Variants in SLC12A6 observed in about 807,000 individuals in gnomAD.
SLC12A6 encodes the protein K-Cl cotransporter 3.
SLC12A6 carries 66 observed loss-of-function variants against 135.3 expected under a neutral mutation model. That is an observed-to-expected ratio of 0.49 (90% CI 0.40 to 0.60). The LOEUF is 0.60. Ranked by LOEUF, SLC12A6 falls within the 20% of genes least tolerant of loss-of-function variation. SLC12A6 has a pLI of 0.00. For synonymous variants in SLC12A6, 513 were observed against 508.8 expected, an observed-to-expected ratio of 1.01 and a Z score of -0.11; for missense variants, 1,058 against 1,452.3, an observed-to-expected ratio of 0.73 and a Z score of 4.41.
At chr15:34,336,786 A>G in intron 1 of SLC12A6, 34 bp from the exon 2 acceptor site, 1 of 893,434 alleles carries the variant, frequency 1.1e-6, no homozygotes, top group Non-Finnish European at 1.8e-6. Flanking sequence ...AAAATAACAC[A>G]TTTCAATAAC....
At chr15:34,332,821 T>C (rs1339337605) in intron 2 of SLC12A6, among the ~76,000 whole-genome samples, 1 of 151,380 alleles carries the variant, frequency 6.6e-6, no homozygotes, top group Non-Finnish European at 1.5e-5. Context: ...TATTAGGTCC[T>C]GCAAATGACA....
At chr15:34,247,642 G>C (rs934819980) in intron 13 of SLC12A6, among the ~76,000 whole-genome samples, 24 of 151,822 alleles carry the variant, frequency 1.6e-4, no homozygotes, top group African/African-American at 5.3e-4. Context: ...AACACTGCCA[G>C]TACCCAAAAT....
At chr15:34,257,345 A>G (rs1892823441) in intron 6 of SLC12A6, among the ~76,000 whole-genome samples, 1 of 152,188 alleles carries the variant, frequency 6.6e-6, no homozygotes, top group Non-Finnish European at 1.5e-5. Flanking sequence ...CTTTGGTGCT[A>G]TCAAGCTCAA....
intron 5 of SLC12A6, 138 bp downstream of exon 5, chr15:34,258,675 C>T (rs1471849724): frequency 2.2e-5 from 17 of 788,434 alleles, no homozygotes; most frequent in Non-Finnish European, 3.8e-5. Context: ...TGCTATGACG[C>T]TGGTGCCCAG....
At chr15:34,290,138 C>T (rs541928188) in intron 2 of SLC12A6, among the ~76,000 whole-genome samples, 1 of 152,326 alleles carries the variant, frequency 6.6e-6, no homozygotes, top group South Asian at 2.1e-4. Context: ...TCCCTTTACA[C>T]ACTTCTTTAA....
chr15:34,261,486 T>C (rs1420151235), intron 3 of SLC12A6, among the ~76,000 whole-genome samples: 3 of 152,108 alleles, frequency 2.0e-5, no homozygotes, highest in Non-Finnish European at 2.9e-5. Flanking sequence ...TTAATAGAGA[T>C]AGGGGTTCAC....
Position 34,336,534 on chromosome 15 carries a change from T to C in SLC12A6, c.147A>G (p.Glu49=), listed in dbSNP as rs1230460170. 7 of 1,613,982 alleles carry C rather than the reference T, an allele frequency of 4.3e-6. No homozygotes were observed. Among genetic ancestry groups the C allele is most frequent in the Non-Finnish European group, 5.9e-6 (7 of 1,180,020 alleles). The change falls in exon 2 of 26, where the codon GAA becomes GAG. Residue 49 remains glutamate (E), a synonymous_variant. Coordinates refer to ENST00000354181, the MANE Select transcript of SLC12A6 (RefSeq NM_001365088.1). ...CACTCCGGCTTGTTTCAGGCACGCT[T>C]TCCCGGGAGCTAAATCTTACTCGGG... ...SSSRVRFSSR[E]SVPETSRSEP...
intron 3 of SLC12A6, among the ~76,000 whole-genome samples, chr15:34,269,177 C>A (rs1893735266): frequency 6.6e-6 from 1 of 151,732 alleles, no homozygotes; most frequent in African/African-American, 2.4e-5. Context: ...TTTCTTTTTT[C>A]TCATTTTACT....
rs1288484560 is a variant in SLC12A6, at chr15:34,229,947, A to G, written c.*3934T>C. 1 of 700,282 alleles carries G rather than the reference A, an allele frequency of 1.4e-6. No homozygotes were observed. Among genetic ancestry groups the G allele is most frequent in the Non-Finnish European group, 2.5e-6 (1 of 394,234 alleles). The allele number at this position is 700,282 out of a possible 1,614,324, so 43.4% of individuals were successfully genotyped here. ...GTGGGGTGACAGGTCCTAGAAGGACAATGTGCATATTACGACAAACACAAA... is the reference window on the plus strand; with the variant it reads ...GTGGGGTGACAGGTCCTAGAAGGACGATGTGCATATTACGACAAACACAAA... On this transcript the variant is annotated 3_prime_UTR_variant, in exon 26 of 26. Coordinates refer to ENST00000354181, the MANE Select transcript of SLC12A6 (RefSeq NM_001365088.1).
chr15:34,313,665 C>T (rs922167532), intron 2 of SLC12A6, among the ~76,000 whole-genome samples: 3 of 152,146 alleles, frequency 2.0e-5, no homozygotes, highest in African/African-American at 7.2e-5. Context: ...GAAGAAGATG[C>T]CATCTAGGAC....
rs1566804656 is a variant in SLC12A6, at chr15:34,242,237, C to T, written c.2043-16G>A. ...AGAAAGGGCCCTAGAAAATTAAAAA[C>T]AAAAAAGTATCTTTTAAAGTAGCTG... is the stretch of plus-strand genomic sequence containing the variant. On this transcript the variant is annotated splice_polypyrimidine_tract_variant and intron_variant, in intron 16 of 25. Coordinates refer to ENST00000354181, the MANE Select transcript of SLC12A6 (RefSeq NM_001365088.1). The T allele has an allele frequency of 2.5e-6, 4 of 1,578,156 alleles. No homozygotes were observed. In the South Asian group the frequency reaches 3.3e-5, roughly 13 times the overall value.
intron 2 of SLC12A6, among the ~76,000 whole-genome samples, chr15:34,331,073 T>C (rs1184905542): frequency 3.0e-4 from 45 of 152,084 alleles, no homozygotes; most frequent in Non-Finnish European, 2.9e-5. Context: ...TAATAATAAG[T>C]AATAGTCACC....
In SLC12A6 at chr15:34,239,244, C is replaced by CA; in HGVS notation, c.2437-85dup. The CA allele has an allele frequency of 2.9e-6, 3 of 1,018,924 alleles. No homozygotes were observed. The South Asian group carries it at 3.8e-5, about 13-fold the overall frequency. 63.1% of individuals were successfully genotyped at this position (1,018,924 alleles called of 1,614,324 possible). A position where few individuals can be genotyped will look rare whatever the true frequency, so the allele number is the denominator to read the frequency against. The stretch of plus-strand genomic sequence containing the variant: ...TGTTCCTTCTCCATATTATATCCCC[C>CA]ACCTTTTTCCAAAGTCTTCATAATA... On this transcript the variant is annotated intron_variant, in intron 19 of 25. Coordinates refer to ENST00000354181, the MANE Select transcript of SLC12A6 (RefSeq NM_001365088.1).
At chr15:34,265,773 T>G (rs1424513133) in intron 3 of SLC12A6, among the ~76,000 whole-genome samples, 6 of 152,152 alleles carry the variant, frequency 3.9e-5, no homozygotes, top group Non-Finnish European at 8.8e-5. Context: ...AAGCCTACAT[T>G]TCAGGCAGAG....
At chr15:34,273,348 C>A (rs1251249361) in intron 3 of SLC12A6, among the ~76,000 whole-genome samples, 2 of 152,134 alleles carry the variant, frequency 1.3e-5, no homozygotes, top group African/African-American at 4.8e-5. Flanking sequence ...AAGACTCCAT[C>A]TCAAAAAAAC....
chr15:34,293,429 G>A (rs528609693), intron 2 of SLC12A6, among the ~76,000 whole-genome samples: 104 of 152,048 alleles, frequency 6.8e-4, no homozygotes, highest in African/African-American at 2.2e-3. Context: ...CTCACCTCCC[G>A]AGTAGCTGAG....
intron 22 of SLC12A6, 46 bp from the exon 23 acceptor site, chr15:34,236,861 A>C: frequency 1.9e-6 from 2 of 1,042,770 alleles, no homozygotes; most frequent in Non-Finnish European, 1.5e-6. Flanking sequence ...CAAAGGAGAA[A>C]GAAGGATGAA....
At chr15:34,318,858 C>T in intron 2 of SLC12A6, 1 of 1,451,956 alleles carries the variant, frequency 6.9e-7, no homozygotes, top group Non-Finnish European at 9.1e-7. Flanking sequence ...GAGTGGGGCG[C>T]TTGAAGACAC....
At chr15:34,268,772 C>T (rs781008552) in intron 3 of SLC12A6, among the ~76,000 whole-genome samples, 16 of 152,064 alleles carry the variant, frequency 1.1e-4, no homozygotes, top group Non-Finnish European at 1.5e-4. Flanking sequence ...AAAATGACTC[C>T]TTTGAAGGAT....
Sources: allele counts gnomAD v4.1 joint callset (sites outside exome capture counted in the v4.1 genomes callset), GRCh38; gene constraint gnomAD v4.1.1; transcripts MANE v1.5; gene names NCBI Gene and HGNC (gene_info 2026-07-23, HGNC 2026-07-21).